Variants in MGAM2 observed in about 807,000 individuals in gnomAD.
MGAM2 encodes the protein probable maltase-glucoamylase 2.
Under a neutral mutation model 96.1 loss-of-function variants are expected in MGAM2, and 98 were observed. The ratio of observed to expected loss-of-function variants is 1.02; its 90% CI spans 0.87 to 1.21. MGAM2 has a LOEUF of 1.21. Ranked by LOEUF, MGAM2 falls within the 50% of genes most tolerant of loss-of-function variation. The probability of loss-of-function intolerance (pLI) is 0.00; values close to 1 mark genes in which losing one functional copy is unlikely to be tolerated. For missense variants in MGAM2, 2,055 were observed against 1,182.4 expected (o/e 1.74, Z -10.82); for synonymous variants, 749 against 414.8 (o/e 1.81, Z -9.79).
At chr7:142,137,671 C>A in intron 9 of MGAM2, 126 bp downstream of exon 9, 1 of 453,410 alleles carries the variant, frequency 2.2e-6, no homozygotes, top group Non-Finnish European at 3.9e-6. Flanking sequence ...GATAGTGAGT[C>A]TTTCATCTAT....
At chr7:142,163,591 T>C (rs1204623853) in intron 23 of MGAM2, among the ~76,000 whole-genome samples, 1 of 152,230 alleles carries the variant, frequency 6.6e-6, no homozygotes, top group African/African-American at 2.4e-5. Flanking sequence ...TAAGTTTTTA[T>C]TTCTCTTTAA....
intron 44 of MGAM2, among the ~76,000 whole-genome samples, chr7:142,199,134 G>C (rs1797142567): frequency 1.3e-5 from 2 of 152,184 alleles, no homozygotes; most frequent in Admixed American, 1.3e-4. Context: ...TCCTAGGTCT[G>C]CTTTGGTCAA....
chr7:142,145,123 T>C (rs892155089), intron 14 of MGAM2, among the ~76,000 whole-genome samples, 178 bp downstream of exon 14: 11 of 152,280 alleles, frequency 7.2e-5, no homozygotes, highest in African/African-American at 2.4e-4. Context: ...ACCCTTTTGC[T>C]GTCATAACTC....
chr7:142,181,434 A>G (rs994237467), intron 32 of MGAM2, among the ~76,000 whole-genome samples: 6 of 152,178 alleles, frequency 3.9e-5, no homozygotes, highest in Non-Finnish European at 8.8e-5. Flanking sequence ...GGGCCAGAAG[A>G]TAGCCTCTTA....
intron 3 of MGAM2, among the ~76,000 whole-genome samples, chr7:142,126,475 T>C (rs551495712): frequency 6.6e-6 from 1 of 151,912 alleles, no homozygotes; most frequent in East Asian, 1.9e-4. Context: ...ATTCCTCAAA[T>C]CATTTGGGCA....
chr7:142,157,116 A>G (rs1034052149), intron 17 of MGAM2, among the ~76,000 whole-genome samples: 20 of 152,224 alleles, frequency 1.3e-4, no homozygotes, highest in Non-Finnish European at 5.9e-5. Context: ...AAACTGGACA[A>G]AAAATGTTAA....
At chr7:142,135,682 AT>A (rs1795035959) in intron 7 of MGAM2, among the ~76,000 whole-genome samples, 1 of 150,834 alleles carries the variant, frequency 6.6e-6, no homozygotes, top group African/African-American at 2.4e-5. Flanking sequence ...CGTTCTCCGT[AT>A]TCTAATCTCA....
chr7:142,186,169 G>A (rs1331636672), intron 35 of MGAM2, 46 bp downstream of exon 35: 8 of 689,990 alleles, frequency 1.2e-5, no homozygotes, highest in African/African-American at 7.2e-5. Flanking sequence ...GGAAATGTTA[G>A]CAAGTCAAAA....
Position 142,205,450 on chromosome 7 carries a change from T to C in MGAM2, c.5138-3123T>C, listed in dbSNP as rs1401553671. ...TCAGCAGTGTATGAGGGTTCTGATCTCTCTTCTTCCTTGTCAACATTTATT... is the reference window on the plus strand; with the variant it reads ...TCAGCAGTGTATGAGGGTTCTGATCCCTCTTCTTCCTTGTCAACATTTATT... On this transcript the variant is annotated intron_variant, in intron 45 of 47. Transcript: ENST00000477922. Among the ~76,000 whole-genome samples, 3 of 150,164 alleles carry C rather than the reference T, an allele frequency of 2.0e-5. No individual in the cohort carries two copies. The Admixed American group carries it at 2.0e-4, about 10-fold the overall frequency.
intron 6 of MGAM2, among the ~76,000 whole-genome samples, chr7:142,133,288 T>G (rs1794961265): frequency 6.8e-6 from 1 of 146,292 alleles, no homozygotes; most frequent in South Asian, 2.1e-4. Context: ...TTTATATATT[T>G]AAATATATAG....
chr7:142,128,754 A>G (rs2129076394), intron 3 of MGAM2, among the ~76,000 whole-genome samples: 1 of 152,346 alleles, frequency 6.6e-6, no homozygotes, highest in African/African-American at 2.4e-5. Flanking sequence ...ATTTCAGAGG[A>G]CGTATGGAAA....
chr7:142,185,488 C>T (rs964828457), intron 34 of MGAM2, among the ~76,000 whole-genome samples: 2 of 152,108 alleles, frequency 1.3e-5, no homozygotes, highest in Non-Finnish European at 2.9e-5. Context: ...AATAAATTAT[C>T]TGCATACAAA....
rs1265557052 is a variant in MGAM2, at chr7:142,175,758, G to T, written c.3794G>T (p.Gly1265Val). The T allele has an allele frequency of 1.4e-6, 1 of 702,698 alleles. No individual in the cohort carries two copies. Among genetic ancestry groups the T allele is most frequent in the Non-Finnish European group, 2.6e-6 (1 of 384,926 alleles). 43.5% of individuals were successfully genotyped at this position (702,698 alleles called of 1,614,324 possible). ...CTGATTGAGCAAATGAAGAAAAATGGCATGAGATTTATTCTCATTTTGGTA... is the reference window on the plus strand; with the variant it reads ...CTGATTGAGCAAATGAAGAAAAATGTCATGAGATTTATTCTCATTTTGGTA... ...SLLIEQMKKN[G>V]MRFILILDPA... The change falls in exon 32 of 48, where the codon GGC (glycine) becomes GTC (valine). Residue 1265 changes from glycine to valine, a missense_variant. Physicochemically the swap from Gly to Val is moderately radical, Grantham distance 109 (BLOSUM62 -3). Transcript: ENST00000477922.
At chr7:142,186,635 T>C (rs2129096229) in intron 35 of MGAM2, among the ~76,000 whole-genome samples, 1 of 152,334 alleles carries the variant, frequency 6.6e-6, no homozygotes, top group African/African-American at 2.4e-5. Flanking sequence ...CCCTGGGATA[T>C]ATGTCCAAGG....
chr7:142,188,181 T>G (rs1796763361), intron 36 of MGAM2, among the ~76,000 whole-genome samples: 1 of 149,914 alleles, frequency 6.7e-6, no homozygotes, highest in Non-Finnish European at 1.5e-5. Context: ...ATTAAAGAAT[T>G]AAAACCTAGT....
At chr7:142,193,860 C>T (rs1796945632) in intron 37 of MGAM2, among the ~76,000 whole-genome samples, 1 of 152,090 alleles carries the variant, frequency 6.6e-6, no homozygotes, top group Admixed American at 6.5e-5. Context: ...ACTCTGGATT[C>T]AGATGGCCCC....
intron 13 of MGAM2, among the ~76,000 whole-genome samples, chr7:142,144,355 A>G (rs1311360321): frequency 6.6e-6 from 1 of 152,232 alleles, no homozygotes; most frequent in Non-Finnish European, 1.5e-5. Context: ...GATGAATAAG[A>G]TGTGCAATGA....
chr7:142,131,798 A>G, intron 5 of MGAM2, 133 bp from the exon 6 acceptor site: 1 of 612,198 alleles, frequency 1.6e-6, no homozygotes, highest in Non-Finnish European at 2.9e-6. Context: ...TGATTTCACA[A>G]ATCAGAAGCC....
chr7:142,114,216 G>GAAAGAAAGAA (rs1554499599), intron 1 of MGAM2, among the ~76,000 whole-genome samples: 1 of 68,038 alleles, frequency 1.5e-5, no homozygotes, highest in African/African-American at 7.5e-5. Flanking sequence ...GAAAGAAAGA[G>GAAAGAAAGAA]AGAAAGAAAG....
Sources: allele counts gnomAD v4.1 joint callset (sites outside exome capture counted in the v4.1 genomes callset), GRCh38; gene constraint gnomAD v4.1.1; transcripts MANE v1.5; gene names NCBI Gene and HGNC (gene_info 2026-07-23, HGNC 2026-07-21).